Variants in MAML2 observed in about 807,000 individuals in gnomAD.
MAML2 encodes mastermind like transcriptional coactivator 2.
A neutral mutation model predicts 96.1 loss-of-function variants in MAML2; 22 were observed. That is an observed-to-expected ratio of 0.23 (90% CI 0.16 to 0.33). The LOEUF is 0.33. MAML2 is among the 10% of genes least tolerant of loss of function. The probability of loss-of-function intolerance (pLI) is 1.00; values close to 1 mark genes in which losing one functional copy is unlikely to be tolerated. For synonymous variants in MAML2, 561 were observed against 521.3 expected (o/e 1.08, Z -1.04); for missense variants, 1,367 against 1,392.4 (o/e 0.98, Z 0.29).
chr11:96,256,857 T>C (rs1862675884), intron 1 of MAML2, among the ~76,000 whole-genome samples: 1 of 152,012 alleles, frequency 6.6e-6, no homozygotes, highest in Non-Finnish European at 1.5e-5. Flanking sequence ...CATAAATATC[T>C]CAACAGAAAG....
chr11:96,051,128 C>T lies in MAML2; in HGVS notation c.2139+40764G>A, dbSNP rs559296870. Among the ~76,000 whole-genome samples the T allele has an allele frequency of 3.9e-5, 6 of 152,232 alleles. No homozygotes were observed. In the East Asian group the frequency reaches 1.2e-3, roughly 29 times the overall value. On this transcript the variant is annotated intron_variant, in intron 2 of 4. Transcript: ENST00000524717. ...GAAAACAAGGAGGTCTTCTGTAGTG[C>T]CTTTATCTATAGAAACTTAAAATTA...
intron 1 of MAML2, among the ~76,000 whole-genome samples, chr11:96,114,899 G>A (rs117921503): frequency 0.014 from 2,200 of 152,300 alleles, 27 homozygotes; most frequent in Non-Finnish European, 0.021. Context: ...GGTGGAGAGG[G>A]AAGAGGTGAG....
intron 1 of MAML2, among the ~76,000 whole-genome samples, chr11:96,216,643 G>A (rs1175658918): frequency 6.6e-6 from 1 of 152,172 alleles, no homozygotes; most frequent in Non-Finnish European, 1.5e-5. Flanking sequence ...TAGGTATGCT[G>A]TGTATTACAG....
chr11:95,979,308 A>G lies in MAML2; in HGVS notation c.3111T>C (p.Asn1037=). The G allele has an allele frequency of 6.2e-7, 1 of 1,613,928 alleles. No homozygotes were observed. Among genetic ancestry groups the G allele is most frequent in the Non-Finnish European group, 8.5e-7 (1 of 1,179,864 alleles). ...RPMNQMSQTL[N]GQTMGPLRGL... ...CCCTGAGGGGACCCATGGTTTGCCC[A>G]TTTAGTGTTTGGCTCATTTGGTTCA... The change falls in exon 5 of 5, where the codon AAT becomes AAC. Residue 1037 remains asparagine, a synonymous_variant. Transcript: ENST00000524717.
At chr11:96,011,655 C>A (rs1456686136) in intron 2 of MAML2, among the ~76,000 whole-genome samples, 2 of 152,042 alleles carry the variant, frequency 1.3e-5, no homozygotes, top group African/African-American at 4.8e-5. Flanking sequence ...AATAGAAGCC[C>A]AAACCTCATC....
chr11:96,328,036 C>G (rs539499279), intron 1 of MAML2, among the ~76,000 whole-genome samples: 1 of 152,068 alleles, frequency 6.6e-6, no homozygotes, highest in Non-Finnish European at 1.5e-5. Flanking sequence ...GTGGAGGTTA[C>G]AGTGAGCCAA....
rs145938829 is a variant in MAML2 at position 96,091,232 on chromosome 11, T to C, written c.2139+660A>G. On this transcript the variant is annotated intron_variant, in intron 2 of 4. Coordinates refer to ENST00000524717, the MANE Select transcript of MAML2 (RefSeq NM_032427.4). Reference sequence around the variant, plus strand: ...TCAGACTTTGGTTTTCCAGAAGCCTTCCCTGATTTCCCTTTGCCGGGTAAG... The same window carrying C: ...TCAGACTTTGGTTTTCCAGAAGCCTCCCCTGATTTCCCTTTGCCGGGTAAG... Among the ~76,000 whole-genome samples the C allele has an allele frequency of 2.5e-3, 380 of 152,342 alleles. 3 individuals carry two copies. The highest frequency in any genetic ancestry group is 8.6e-3 in the African/African-American group (359 of 41,578).
chr11:96,082,675 C>T lies in MAML2; in HGVS notation c.2139+9217G>A, dbSNP rs150649513. ...AGATAACTAGAACGCCAGTTACTGGCCTCATCCCTAAGGAGTATGGAGCAA... is the reference window on the plus strand; with the variant it reads ...AGATAACTAGAACGCCAGTTACTGGTCTCATCCCTAAGGAGTATGGAGCAA... On this transcript the variant is annotated intron_variant, in intron 2 of 4. Coordinates refer to ENST00000524717, the MANE Select transcript of MAML2 (RefSeq NM_032427.4). 2.5e-3 allele frequency among the ~76,000 whole-genome samples: 384 copies of T among 152,318 alleles called. 3 individuals carry two copies. Among genetic ancestry groups the T allele is most frequent in the African/African-American group, 8.7e-3 (363 of 41,568 alleles).
At chr11:96,018,411 G>A (rs1346173940) in intron 2 of MAML2, among the ~76,000 whole-genome samples, 1 of 152,148 alleles carries the variant, frequency 6.6e-6, no homozygotes, top group Non-Finnish European at 1.5e-5. Context: ...TGAAAGTCAT[G>A]AATTTGGATG....
At chr11:96,325,743 T>C (rs1395704072) in intron 1 of MAML2, among the ~76,000 whole-genome samples, 1 of 152,076 alleles carries the variant, frequency 6.6e-6, no homozygotes, top group Admixed American at 6.6e-5. Flanking sequence ...ATGATCACAA[T>C]AGCTCCAAGG....
intron 1 of MAML2, among the ~76,000 whole-genome samples, chr11:96,256,060 G>T (rs1429161455): frequency 6.6e-6 from 1 of 151,856 alleles, no homozygotes; most frequent in Non-Finnish European, 1.5e-5. Flanking sequence ...TTTTAGTAGA[G>T]ACGGGGTTTC....
chr11:95,984,351 C>T (rs1857791350), intron 4 of MAML2, among the ~76,000 whole-genome samples: 1 of 152,212 alleles, frequency 6.6e-6, no homozygotes, highest in African/African-American at 2.4e-5. Flanking sequence ...CTGGAAACTG[C>T]ATCTTATCTT....
chr11:96,026,131 T>G (rs922338106), intron 2 of MAML2, among the ~76,000 whole-genome samples: 10 of 152,204 alleles, frequency 6.6e-5, no homozygotes, highest in African/African-American at 1.7e-4. Context: ...AACAAGTAAT[T>G]AACTGTTTTT....
At chr11:96,261,718 T>C (rs1862753322) in intron 1 of MAML2, among the ~76,000 whole-genome samples, 1 of 152,214 alleles carries the variant, frequency 6.6e-6, no homozygotes, top group African/African-American at 2.4e-5. Context: ...GCAAATTACT[T>C]TGACTACCTG....
At chr11:96,100,349 G>T (rs772339475) in intron 1 of MAML2, among the ~76,000 whole-genome samples, 1 of 149,218 alleles carries the variant, frequency 6.7e-6, no homozygotes, top group East Asian at 2.0e-4. Context: ...TCACTCTCTC[G>T]CCCAGGCTGG....
chr11:96,326,066 C>G (rs957781726), intron 1 of MAML2, among the ~76,000 whole-genome samples: 11 of 150,924 alleles, frequency 7.3e-5, no homozygotes, highest in African/African-American at 2.7e-4. Context: ...TCTCTTGTTC[C>G]TTTGTTTGTT....
At chr11:95,989,512 C>A (rs7113517) in intron 3 of MAML2, among the ~76,000 whole-genome samples, 2 of 152,070 alleles carry the variant, frequency 1.3e-5, no homozygotes, top group African/African-American at 2.4e-5. Flanking sequence ...TGAAAATCAA[C>A]CTCTGTGTGT....
At chr11:96,154,152 A>T (rs34453324) in intron 1 of MAML2, among the ~76,000 whole-genome samples, 8,185 of 152,138 alleles carry the variant, frequency 0.054, 536 homozygotes, top group African/African-American at 0.15. Flanking sequence ...TTTAACAAAG[A>T]ATTACCTAGA....
chr11:96,208,732 C>A (rs1861927873), intron 1 of MAML2, among the ~76,000 whole-genome samples: 1 of 151,844 alleles, frequency 6.6e-6, no homozygotes, highest in Non-Finnish European at 1.5e-5. Context: ...TCTGAATTGC[C>A]AGAAAAAGAA....
Sources: allele counts gnomAD v4.1 joint callset (sites outside exome capture counted in the v4.1 genomes callset), GRCh38; gene constraint gnomAD v4.1.1; transcripts MANE v1.5; gene names NCBI Gene and HGNC (gene_info 2026-07-23, HGNC 2026-07-21).